The following CYP39A1 variants were observed in gnomAD, a reference collection of about 807,000 sequenced individuals.
CYP39A1 encodes cytochrome P450 family 39 subfamily A member 1.
In CYP39A1, 49 loss-of-function variants were observed where a neutral mutation model predicts 58.1. That is an observed-to-expected ratio of 0.84 (90% CI 0.67 to 1.07). The LOEUF (loss-of-function observed/expected upper bound fraction) is 1.07, where lower values mean the gene tolerates loss of function less well. Among genes scored for constraint, CYP39A1 ranks in the 50% least tolerant of loss-of-function variants. CYP39A1 has a pLI of 0.00. For missense variants in CYP39A1, 531 were observed against 539.4 expected, an observed-to-expected ratio of 0.98 and a Z score of 0.16; for synonymous variants, 209 against 187.6, an observed-to-expected ratio of 1.11 and a Z score of -0.93.
intron 1 of CYP39A1, 131 bp downstream of exon 1, chr6:46,652,275 A>G: frequency 1.1e-6 from 1 of 894,218 alleles, no homozygotes; most frequent in East Asian, 2.7e-5. Flanking sequence ...TTCAGAAATG[A>G]CTAGATCCTT....
At chr6:46,651,846 C>G (rs1355894484) in intron 1 of CYP39A1, among the ~76,000 whole-genome samples, 1 of 152,128 alleles carries the variant, frequency 6.6e-6, no homozygotes, top group South Asian at 2.1e-4. Flanking sequence ...TTAAAGTGCT[C>G]AGACATTTAA....
chr6:46,610,427 G>A lies in CYP39A1; in HGVS notation c.932-14307C>T, dbSNP rs1399216985. Among the ~76,000 whole-genome samples, 4 of 152,068 alleles carry A rather than the reference G, an allele frequency of 2.6e-5. No homozygotes were observed. The South Asian group carries it at 6.2e-4, about 24-fold the overall frequency. ...CACTATCATAAATCACTGCAGCCTC[G>A]AACTCTTGGGTTCAAGTGATCCTCC... On this transcript the variant is annotated intron_variant, in intron 7 of 11. Coordinates refer to ENST00000275016, the MANE Select transcript of CYP39A1 (RefSeq NM_016593.5).
At chr6:46,585,792 C>A (rs1050440951) in intron 10 of CYP39A1, among the ~76,000 whole-genome samples, 1 of 152,074 alleles carries the variant, frequency 6.6e-6, no homozygotes, top group African/African-American at 2.4e-5. Flanking sequence ...TACTGAGATT[C>A]CAGGGATTCA....
chr6:46,586,210 C>A, intron 10 of CYP39A1: 1 of 983,298 alleles, frequency 1.0e-6, no homozygotes, highest in Non-Finnish European at 1.2e-6. Context: ...TTAATAACTG[C>A]AAATATGGAC....
At chr6:46,568,454 C>T (rs1771409414) in intron 10 of CYP39A1, among the ~76,000 whole-genome samples, 1 of 152,070 alleles carries the variant, frequency 6.6e-6, no homozygotes, top group African/African-American at 2.4e-5. Context: ...CCTTTGGTGT[C>T]ATATCCAAAA....
Position 46,586,210 on chromosome 6 carries a change from C to T in CYP39A1, c.1250+867G>A, listed in dbSNP as rs139286148. ...GATACTGCGGAGCAATTAATAACTG[C>T]AAATATGGACTGGCATTATTGTTCA... On this transcript the variant is annotated intron_variant, in intron 10 of 11. Transcript: ENST00000275016. The T allele has an allele frequency of 7.1e-6, 7 of 983,298 alleles. No homozygotes were observed. In the African/African-American group the frequency reaches 1.0e-4, roughly 15 times the overall value. The allele number at this position is 983,298 out of a possible 1,614,324, so 60.9% of individuals were successfully genotyped here.
At chr6:46,601,128 C>T (rs1773469019) in intron 7 of CYP39A1, among the ~76,000 whole-genome samples, 1 of 152,208 alleles carries the variant, frequency 6.6e-6, no homozygotes, top group Non-Finnish European at 1.5e-5. Context: ...CATTTGGTGT[C>T]AGAAGTGTTG....
At chr6:46,641,130 A>T (rs1480780875) in intron 2 of CYP39A1, among the ~76,000 whole-genome samples, 1 of 152,128 alleles carries the variant, frequency 6.6e-6, no homozygotes, top group Non-Finnish European at 1.5e-5. Context: ...TTTAAACATG[A>T]AAGTCCCCAG....
At chr6:46,582,325 A>G (rs1307651513) in intron 10 of CYP39A1, among the ~76,000 whole-genome samples, 1 of 152,178 alleles carries the variant, frequency 6.6e-6, no homozygotes. Flanking sequence ...AACACTTCTC[A>G]AATACAAGAG....
At position 46,549,734 on chromosome 6, in the gene CYP39A1, A is replaced by C. The variant is rs796308498; in HGVS notation, c.*632T>G. 6.6e-6 allele frequency: 1 copy of C among 152,326 alleles called. No homozygotes were observed. The highest frequency in any genetic ancestry group is 2.4e-5 in the African/African-American group (1 of 41,586). 9.4% of individuals were successfully genotyped at this position (152,326 alleles called of 1,614,324 possible). A position where few individuals can be genotyped will look rare whatever the true frequency, so the allele number is the denominator to read the frequency against. ...CAATCAACATACATTTATTGAATAT[A>C]CTCTGTAAAGAAGGTGCAATCCTGA... On this transcript the variant is annotated 3_prime_UTR_variant, in exon 12 of 12. Coordinates refer to ENST00000275016, the MANE Select transcript of CYP39A1 (RefSeq NM_016593.5).
At chr6:46,599,700 TCTATAAAATA>T (rs1413073671) in intron 7 of CYP39A1, among the ~76,000 whole-genome samples, 1 of 152,178 alleles carries the variant, frequency 6.6e-6, no homozygotes, top group Non-Finnish European at 1.5e-5. Context: ...CAAACCCTTT[TCTATAAAATA>T]CCATCAGTGG....
intron 4 of CYP39A1, 56 bp downstream of exon 4, chr6:46,637,773 G>T (rs562570303): frequency 1.3e-6 from 2 of 1,562,886 alleles, no homozygotes; most frequent in African/African-American, 1.4e-5. Flanking sequence ...AATGAGAGGT[G>T]TTGAATTGCT....
intron 7 of CYP39A1, among the ~76,000 whole-genome samples, chr6:46,624,715 T>A (rs1164520093): frequency 6.6e-6 from 1 of 152,256 alleles, no homozygotes. Flanking sequence ...GGATACATAA[T>A]ACGACATATT....
intron 7 of CYP39A1, among the ~76,000 whole-genome samples, chr6:46,617,822 C>T (rs1774704123): frequency 1.3e-5 from 2 of 152,106 alleles, no homozygotes; most frequent in Admixed American, 6.6e-5. Flanking sequence ...TAAAATAGGG[C>T]CTGCTACTTA....
chr6:46,618,971 G>A (rs1001445362), intron 7 of CYP39A1, among the ~76,000 whole-genome samples: 1 of 151,888 alleles, frequency 6.6e-6, no homozygotes, highest in Non-Finnish European at 1.5e-5. Context: ...ATCATCTCAG[G>A]GCCAGATATC....
intron 10 of CYP39A1, among the ~76,000 whole-genome samples, chr6:46,577,686 G>T (rs1320654804): frequency 3.3e-5 from 5 of 151,956 alleles, no homozygotes; most frequent in African/African-American, 1.2e-4. Flanking sequence ...ACAAAGAAGG[G>T]TGTTACCTAA....
At chr6:46,576,328 A>G (rs1771843039) in intron 10 of CYP39A1, among the ~76,000 whole-genome samples, 1 of 152,226 alleles carries the variant, frequency 6.6e-6, no homozygotes, top group South Asian at 2.1e-4. Flanking sequence ...AAACCATATC[A>G]GGTATCAAAG....
At chr6:46,589,516 C>T (rs1211557115) in intron 8 of CYP39A1, among the ~76,000 whole-genome samples, 1 of 152,024 alleles carries the variant, frequency 6.6e-6, no homozygotes, top group Non-Finnish European at 1.5e-5. Context: ...GGGATGTCAT[C>T]ATTTTTTTAA....
intron 1 of CYP39A1, among the ~76,000 whole-genome samples, chr6:46,644,361 T>TTTAA (rs1562022053): frequency 6.6e-6 from 1 of 152,186 alleles, no homozygotes; most frequent in Non-Finnish European, 1.5e-5. Context: ...CGACAGTTTA[T>TTTAA]TTAAACATTA....
Sources: allele counts gnomAD v4.1 joint callset (sites outside exome capture counted in the v4.1 genomes callset), GRCh38; gene constraint gnomAD v4.1.1; transcripts MANE v1.5; gene names NCBI Gene and HGNC (gene_info 2026-07-23, HGNC 2026-07-21).